Variants in AGMO observed in about 807,000 individuals in gnomAD.
AGMO encodes the protein alkylglycerol monooxygenase, also known as glyceryl-ether monooxygenase.
In AGMO, 75 loss-of-function variants were observed where a neutral mutation model predicts 60.2. The ratio of observed to expected loss-of-function variants is 1.25; its 90% CI spans 1.03 to 1.51. The LOEUF is 1.51. Among genes scored for constraint, AGMO ranks in the 40% most tolerant of loss-of-function variants. The pLI is 0.00. For synonymous variants in AGMO, 261 were observed against 177.1 expected (o/e 1.47, Z -3.76); for missense variants, 763 against 525.5 (o/e 1.45, Z -4.42).
At chr7:15,349,239 G>A (rs756246504) in intron 12 of AGMO, among the ~76,000 whole-genome samples, 1 of 152,090 alleles carries the variant, frequency 6.6e-6, no homozygotes, top group Non-Finnish European at 1.5e-5. Context: ...AACTGGCTTT[G>A]GTATTTCAAT....
the AGMO span, among the ~76,000 whole-genome samples, chr7:15,177,600 T>C: frequency 6.6e-6 from 1 of 152,280 alleles, no homozygotes; most frequent in East Asian, 1.9e-4. Context: ...CTTTTTCCTC[T>C]ACTTCAGAAG....
intron 3 of AGMO, among the ~76,000 whole-genome samples, chr7:15,449,332 T>C (rs1316402449): frequency 6.7e-6 from 1 of 149,746 alleles, no homozygotes; most frequent in South Asian, 2.1e-4. Context: ...GTGCTTCTCT[T>C]TCTCTCTCTC....
intron 5 of AGMO, among the ~76,000 whole-genome samples, chr7:15,400,755 G>C (rs1294468147): frequency 1.3e-5 from 2 of 152,164 alleles, no homozygotes; most frequent in Non-Finnish European, 2.9e-5. Context: ...CAAAATCACA[G>C]AGCAAGGAAC....
chr7:15,353,241 G>A (rs772205280), intron 12 of AGMO, among the ~76,000 whole-genome samples: 1 of 152,156 alleles, frequency 6.6e-6, no homozygotes, highest in Admixed American at 6.5e-5. Flanking sequence ...AATAAGTCAT[G>A]TAATAATAGG....
intron 3 of AGMO, among the ~76,000 whole-genome samples, chr7:15,528,702 G>A (rs533694615): frequency 2.0e-5 from 3 of 152,024 alleles, no homozygotes; most frequent in Non-Finnish European, 4.4e-5. Context: ...AGGCTGGAGT[G>A]CAATGGCACG....
chr7:15,233,179 C>A (rs191216686), intron 12 of AGMO, among the ~76,000 whole-genome samples: 111 of 152,274 alleles, frequency 7.3e-4, no homozygotes, highest in Admixed American at 1.3e-3. Flanking sequence ...CCTTAAAAAT[C>A]TATAAATTTC....
intron 3 of AGMO, among the ~76,000 whole-genome samples, chr7:15,508,438 A>T (rs1211589144): frequency 1.3e-5 from 2 of 152,150 alleles, no homozygotes; most frequent in Non-Finnish European, 1.5e-5. Context: ...AAACAGTGGA[A>T]CTATTGAAAT....
the AGMO span, among the ~76,000 whole-genome samples, chr7:15,156,558 G>A: frequency 2.0e-5 from 3 of 152,176 alleles, no homozygotes; most frequent in African/African-American, 7.2e-5. Context: ...GATGTTCTTG[G>A]GGGCTGTGGA....
chr7:15,384,131 G>T (rs1446681591), intron 10 of AGMO, among the ~76,000 whole-genome samples: 3 of 151,940 alleles, frequency 2.0e-5, no homozygotes, highest in Non-Finnish European at 4.4e-5. Flanking sequence ...TAGAGACGTG[G>T]TTTCACCGTA....
At chr7:15,298,473 C>T (rs535406392) in intron 12 of AGMO, among the ~76,000 whole-genome samples, 30 of 152,254 alleles carry the variant, frequency 2.0e-4, no homozygotes, top group African/African-American at 7.0e-4. Flanking sequence ...TGGCTCACTG[C>T]AGCCTTGACC....
At chr7:15,149,635 T>C in the AGMO span, among the ~76,000 whole-genome samples, 1 of 152,176 alleles carries the variant, frequency 6.6e-6, no homozygotes, top group Admixed American at 6.5e-5. Flanking sequence ...ATGTGTGGCT[T>C]TATTTCTGGG....
chr7:15,262,146 G>A (rs1305728503), intron 12 of AGMO, among the ~76,000 whole-genome samples: 4 of 152,048 alleles, frequency 2.6e-5, no homozygotes, highest in African/African-American at 9.7e-5. Context: ...AATCAGACAA[G>A]AGAAGGAAAT....
rs188744413 is a variant in AGMO, at chr7:15,260,757, T to C, written c.1264-59398A>G. On this transcript the variant is annotated intron_variant, in intron 12 of 12. Coordinates refer to ENST00000342526, the MANE Select transcript of AGMO (RefSeq NM_001004320.2). ...AAAACATTGTTCAAGGTACATCATATGATGTACCACAAAACAAATTTCAGT... is the reference window on the plus strand; with the variant it reads ...AAAACATTGTTCAAGGTACATCATACGATGTACCACAAAACAAATTTCAGT... Among the ~76,000 whole-genome samples, 734 of 152,172 alleles carry C rather than the reference T, an allele frequency of 4.8e-3. 5 individuals are homozygous for C. Among genetic ancestry groups the C allele is most frequent in the Non-Finnish European group, 8.3e-3 (563 of 67,964 alleles).
intron 3 of AGMO, among the ~76,000 whole-genome samples, chr7:15,499,631 C>G (rs1456595150): frequency 6.6e-6 from 1 of 151,586 alleles, no homozygotes; most frequent in Non-Finnish European, 1.5e-5. Context: ...TTGCGGCATC[C>G]TTTCTAAAAT....
the AGMO span, among the ~76,000 whole-genome samples, chr7:15,118,018 G>C: frequency 2.0e-5 from 3 of 151,726 alleles, no homozygotes; most frequent in African/African-American, 7.3e-5. Flanking sequence ...AATACCTTCA[G>C]CCAAAATACA....
chr7:15,190,449 A>T, the AGMO span, among the ~76,000 whole-genome samples: 1 of 152,000 alleles, frequency 6.6e-6, no homozygotes. Context: ...ATTTCTCCAT[A>T]GTGGAAAGAA....
chr7:15,279,430 C>T (rs1783898729), intron 12 of AGMO, among the ~76,000 whole-genome samples: 1 of 152,088 alleles, frequency 6.6e-6, no homozygotes, highest in South Asian at 2.1e-4. Flanking sequence ...CCACTAGCTG[C>T]TTCTAGTCAA....
chr7:15,560,722 A>G (rs914230279), intron 1 of AGMO, among the ~76,000 whole-genome samples: 8 of 152,206 alleles, frequency 5.3e-5, no homozygotes, highest in African/African-American at 1.2e-4. Flanking sequence ...GATGAAATTC[A>G]AAGAGTAGAG....
chr7:15,466,261 G>A (rs1226529532), intron 3 of AGMO, among the ~76,000 whole-genome samples: 2 of 152,152 alleles, frequency 1.3e-5, no homozygotes, highest in Non-Finnish European at 2.9e-5. Flanking sequence ...ACAGAGAAAT[G>A]AAGTAAATTG....
Sources: gnomAD v4.1 joint callset for allele counts (sites outside exome capture counted in the v4.1 genomes callset) on GRCh38, gnomAD v4.1.1 for gene constraint, MANE v1.5 for transcripts, NCBI Gene and HGNC (gene_info 2026-07-23, HGNC 2026-07-21) for gene names.